SPAG17: variants seen among roughly 807,000 people sequenced by gnomAD.
SPAG17 encodes sperm-associated antigen 17.
In SPAG17, 169 loss-of-function variants were observed where a neutral mutation model predicts 273.6. The ratio of observed to expected loss-of-function variants is 0.62; its 90% confidence interval spans 0.55 to 0.70. SPAG17 has a LOEUF of 0.70. Among genes scored for constraint, SPAG17 ranks in the 30% least tolerant of loss-of-function variants. The pLI is 0.00. For synonymous variants in SPAG17, 825 were observed against 873.2 expected, an observed-to-expected ratio of 0.94 and a Z score of 0.97; for missense variants, 2,557 against 2,627.8, an observed-to-expected ratio of 0.97 and a Z score of 0.59.
chr1:117,963,417 G>A (rs1474586742), intron 48 of SPAG17: 3 of 150,208 alleles, frequency 2.0e-5, no homozygotes, highest in Non-Finnish European at 2.9e-5. Flanking sequence ...AGGCTGGAGT[G>A]CAGTGGCACG....
At chr1:118,015,340 A>G (rs988943448) in intron 29 of SPAG17, among the ~76,000 whole-genome samples, 1 of 151,716 alleles carries the variant, frequency 6.6e-6, no homozygotes, top group Non-Finnish European at 1.5e-5. Context: ...TTTTGCTTTC[A>G]TATAATAAAC....
At chr1:118,006,825 T>A (rs1173255544) in intron 31 of SPAG17, among the ~76,000 whole-genome samples, 1 of 152,230 alleles carries the variant, frequency 6.6e-6, no homozygotes, top group Non-Finnish European at 1.5e-5. Flanking sequence ...TGAAGTGATA[T>A]CTCATTGCAG....
intron 26 of SPAG17, 65 bp downstream of exon 26, chr1:118,028,209 A>T: frequency 1.9e-6 from 3 of 1,543,284 alleles, no homozygotes; most frequent in Non-Finnish European, 2.6e-6. Context: ...GAAAATACAC[A>T]ATTTCCTGTT....
At chr1:118,167,956 C>T (rs754436400) in intron 1 of SPAG17, among the ~76,000 whole-genome samples, 5 of 152,298 alleles carry the variant, frequency 3.3e-5, no homozygotes, top group Non-Finnish European at 5.9e-5. Context: ...TCTCTTGTCC[C>T]TGCTCCTGCC....
At chr1:118,032,596 A>G (rs1264218492) in intron 24 of SPAG17, among the ~76,000 whole-genome samples, 6 of 150,386 alleles carry the variant, frequency 4.0e-5, no homozygotes, top group African/African-American at 1.5e-4. Flanking sequence ...ATTTTTATTT[A>G]TTATTATTAT....
At chr1:118,065,940 A>C (rs1652917547) in intron 18 of SPAG17, among the ~76,000 whole-genome samples, 1 of 152,180 alleles carries the variant, frequency 6.6e-6, no homozygotes, top group African/African-American at 2.4e-5. Context: ...CATAAGGCAA[A>C]GGGATAAAAT....
intron 43 of SPAG17, among the ~76,000 whole-genome samples, chr1:117,976,997 C>T (rs1655209718): frequency 6.6e-6 from 1 of 152,096 alleles, no homozygotes; most frequent in Non-Finnish European, 1.5e-5. Flanking sequence ...AGCTTTTGAA[C>T]ACATTCATTT....
At chr1:118,132,014 A>C (rs936462282) in intron 3 of SPAG17, among the ~76,000 whole-genome samples, 1 of 152,230 alleles carries the variant, frequency 6.6e-6, no homozygotes, top group African/African-American at 2.4e-5. Flanking sequence ...CCCTGCCCAT[A>C]GTGAGCTTTT....
intron 24 of SPAG17, 172 bp downstream of exon 24, chr1:118,036,598 A>G: frequency 1.9e-6 from 1 of 537,360 alleles, no homozygotes; most frequent in Non-Finnish European, 3.3e-6. Context: ...ACACACATAT[A>G]TAGACACACA....
chr1:117,953,875 C>T lies in SPAG17; in HGVS notation c.*175G>A, dbSNP rs987540517. ...ATGTCTTTAAATGCTTTTTGGCACT[C>T]TATTCGCACGTCTTTATTAAACAGA... On this transcript the variant is annotated 3_prime_UTR_variant, in exon 49 of 49. Coordinates refer to ENST00000336338, the MANE Select transcript of SPAG17 (RefSeq NM_206996.4). The T allele has an allele frequency of 1.3e-6, 1 of 747,042 alleles. No individual in the cohort carries two copies. Among genetic ancestry groups the T allele is most frequent in the African/African-American group, 1.8e-5 (1 of 57,002 alleles). The allele number at this position is 747,042 out of a possible 1,614,324, so 46.3% of individuals were successfully genotyped here. A position where few individuals can be genotyped will look rare whatever the true frequency, so the allele number is the denominator to read the frequency against.
At chr1:118,130,467 T>G (rs1410303724) in intron 3 of SPAG17, among the ~76,000 whole-genome samples, 1 of 152,228 alleles carries the variant, frequency 6.6e-6, no homozygotes, top group East Asian at 1.9e-4. Context: ...CTCTGGGGTT[T>G]TCCAGGGATT....
At chr1:118,033,461 C>T (rs758259791) in intron 24 of SPAG17, among the ~76,000 whole-genome samples, 2 of 152,220 alleles carry the variant, frequency 1.3e-5, no homozygotes, top group Non-Finnish European at 2.9e-5. Context: ...AATTATGCCT[C>T]TTCTATCTAT....
rs1325448147 is a variant in SPAG17, at chr1:118,050,935, A to T, written c.2814+3067T>A. On this transcript the variant is annotated intron_variant, in intron 20 of 48. Transcript: ENST00000336338. ...AAACCTTCTGCACAACAAAGAAAAC[A>T]ATCAACAAAGCGAAGAAATAACCTA... is the stretch of plus-strand genomic sequence containing the variant. Among the ~76,000 whole-genome samples the T allele has an allele frequency of 6.2e-4, 94 of 152,256 alleles. 1 individual carries two copies. The highest frequency in any genetic ancestry group is 2.1e-3 in the African/African-American group (89 of 41,518).
chr1:118,046,185 A>T (rs1650331498), intron 20 of SPAG17, among the ~76,000 whole-genome samples: 1 of 151,958 alleles, frequency 6.6e-6, no homozygotes, highest in African/African-American at 2.4e-5. Flanking sequence ...AAAAGTTAAA[A>T]ACTTAGCTGG....
At chr1:117,988,326 T>C in intron 38 of SPAG17, 122 bp from the exon 39 acceptor site, 1 of 591,290 alleles carries the variant, frequency 1.7e-6, no homozygotes, top group South Asian at 4.0e-5. Context: ...ATCAAGTGTT[T>C]ACTAGGACTT....
At chr1:118,072,065 G>GT (rs1653652537) in intron 17 of SPAG17, among the ~76,000 whole-genome samples, 1 of 152,116 alleles carries the variant, frequency 6.6e-6, no homozygotes, top group Non-Finnish European at 1.5e-5. Context: ...ATCTTCCAGG[G>GT]AGAGGATCAC....
At chr1:118,095,061 A>G (rs1655620822) in intron 7 of SPAG17, among the ~76,000 whole-genome samples, 1 of 152,202 alleles carries the variant, frequency 6.6e-6, no homozygotes, top group Admixed American at 6.5e-5. Context: ...GTTCTACCAT[A>G]ACTAGACTGG....
chr1:118,129,483 G>T (rs1657933696), intron 3 of SPAG17, among the ~76,000 whole-genome samples: 1 of 152,152 alleles, frequency 6.6e-6, no homozygotes. Context: ...AGGTGATTCT[G>T]ATATACGCTA....
intron 3 of SPAG17, among the ~76,000 whole-genome samples, chr1:118,139,522 T>C (rs902684916): frequency 2.0e-5 from 3 of 152,206 alleles, no homozygotes; most frequent in Admixed American, 6.5e-5. Context: ...TCCATGTTCA[T>C]TGTAGTACTA....
Sources: gnomAD v4.1 joint callset for allele counts (sites outside exome capture counted in the v4.1 genomes callset) on GRCh38, gnomAD v4.1.1 for gene constraint, MANE v1.5 for transcripts, NCBI Gene and HGNC (gene_info 2026-07-23, HGNC 2026-07-21) for gene names.